The following NPR3 variants were observed in gnomAD, a reference collection of about 807,000 sequenced individuals.
NPR3 encodes the protein natriuretic peptide receptor 3.
NPR3 carries 34 observed loss-of-function variants against 54.5 expected under a neutral mutation model. That is an observed-to-expected ratio of 0.62 (90% confidence interval 0.47 to 0.83). The LOEUF (loss-of-function observed/expected upper bound fraction) is 0.83. Ranked by LOEUF, NPR3 falls within the 40% of genes least tolerant of loss-of-function variation. The probability of loss-of-function intolerance (pLI) is 0.00; values close to 1 mark genes in which losing one functional copy is unlikely to be tolerated. For missense variants in NPR3, 674 were observed against 720.8 expected, an observed-to-expected ratio of 0.94 and a Z score of 0.74; for synonymous variants, 289 against 297.1, an observed-to-expected ratio of 0.97 and a Z score of 0.28.
intron 3 of NPR3, among the ~76,000 whole-genome samples, chr5:32,766,811 A>G (rs1032440517): frequency 1.3e-5 from 2 of 152,196 alleles, no homozygotes; most frequent in African/African-American, 4.8e-5. Flanking sequence ...TAGGACGCTC[A>G]TCCTTCACGT....
intron 1 of NPR3, 46 bp downstream of exon 1, chr5:32,712,591 C>T: frequency 6.7e-7 from 1 of 1,482,828 alleles, no homozygotes; most frequent in Non-Finnish European, 8.9e-7. Flanking sequence ...CCCAACCGCT[C>T]TCCGCGGCTC....
intron 1 of NPR3, among the ~76,000 whole-genome samples, chr5:32,693,658 C>T (rs1164789443): frequency 1.3e-5 from 2 of 152,146 alleles, no homozygotes; most frequent in African/African-American, 4.8e-5. Flanking sequence ...TAACTTGGGC[C>T]ACATCACATC....
chr5:32,757,303 T>G (rs1220302209), intron 3 of NPR3, among the ~76,000 whole-genome samples: 1 of 152,254 alleles, frequency 6.6e-6, no homozygotes, highest in African/African-American at 2.4e-5. Flanking sequence ...GTAGTTTTCC[T>G]TGAAGAGGTC....
At chr5:32,727,191 A>G (rs1425250948) in intron 2 of NPR3, among the ~76,000 whole-genome samples, 3 of 152,110 alleles carry the variant, frequency 2.0e-5, no homozygotes, top group Admixed American at 6.6e-5. Flanking sequence ...CAGAGGCGTG[A>G]TCTTGGCTCA....
At chr5:32,745,095 C>G (rs1740227254) in intron 3 of NPR3, among the ~76,000 whole-genome samples, 4 of 152,164 alleles carry the variant, frequency 2.6e-5, no homozygotes, top group Admixed American at 2.6e-4. Flanking sequence ...TAGTATATTG[C>G]AGGCAGTACA....
intron 3 of NPR3, among the ~76,000 whole-genome samples, chr5:32,744,929 T>C (rs1740219399): frequency 6.6e-6 from 1 of 152,232 alleles, no homozygotes; most frequent in South Asian, 2.1e-4. Flanking sequence ...TCCCCTACTG[T>C]GTACATGGCA....
intron 3 of NPR3, among the ~76,000 whole-genome samples, chr5:32,769,512 C>A (rs745962003): frequency 1.3e-5 from 2 of 152,190 alleles, no homozygotes; most frequent in African/African-American, 2.4e-5. Flanking sequence ...TCTCATCTCC[C>A]CTTCAACCAA....
upstream of NPR3, among the ~76,000 whole-genome samples, chr5:32,707,603 C>T (rs1218382044): frequency 6.6e-6 from 1 of 152,102 alleles, no homozygotes; most frequent in Non-Finnish European, 1.5e-5. Flanking sequence ...GTGTTTTCAA[C>T]AATTCTGGCC....
At chr5:32,732,529 CTG>C (rs926493136) in intron 2 of NPR3, among the ~76,000 whole-genome samples, 1 of 152,170 alleles carries the variant, frequency 6.6e-6, no homozygotes, top group Non-Finnish European at 1.5e-5. Flanking sequence ...ATTTAGGAAT[CTG>C]TTACTGAGGA....
chr5:32,708,191 AAC>A (rs1425674819), upstream of NPR3, among the ~76,000 whole-genome samples: 1 of 152,026 alleles, frequency 6.6e-6, no homozygotes, highest in Non-Finnish European at 1.5e-5. Flanking sequence ...GGTTTCATTC[AAC>A]AACTGAAGCC....
upstream of NPR3, among the ~76,000 whole-genome samples, chr5:32,706,990 A>G (rs1038210145): frequency 2.0e-5 from 3 of 152,118 alleles, no homozygotes; most frequent in Admixed American, 2.0e-4. Context: ...CCCCATTCAC[A>G]CTCGTTTTTG....
At chr5:32,691,986 C>CT (rs1206172905) in intron 1 of NPR3, among the ~76,000 whole-genome samples, 8 of 152,234 alleles carry the variant, frequency 5.3e-5, no homozygotes, top group Admixed American at 1.3e-4. Flanking sequence ...AAGAAAGACT[C>CT]TTTTTCAGGA....
At chr5:32,755,105 C>T (rs575659131) in intron 3 of NPR3, among the ~76,000 whole-genome samples, 36 of 152,362 alleles carry the variant, frequency 2.4e-4, no homozygotes, top group African/African-American at 8.7e-4. Flanking sequence ...CGTGATCCGT[C>T]TGCCTCAGCC....
At chr5:32,711,266 T>C, upstream of NPR3, 1 of 952,952 alleles carries the variant, frequency 1.0e-6, no homozygotes. Flanking sequence ...CCATGTGTGG[T>C]AACACGCTCA....
intron 3 of NPR3, among the ~76,000 whole-genome samples, chr5:32,748,551 C>T (rs577876216): frequency 4.7e-4 from 72 of 152,226 alleles, no homozygotes; most frequent in African/African-American, 1.6e-3. Context: ...AGATGCTGCC[C>T]GAGGCAAAGG....
Position 32,791,700 on chromosome 5 carries a change from A to C in NPR3, c.*5355A>C, listed in dbSNP as rs1247681935. 2 of 165,926 alleles carry C rather than the reference A, an allele frequency of 1.2e-5. No homozygotes were observed. The highest frequency in any genetic ancestry group is 2.9e-5 in the Non-Finnish European group (2 of 68,076). 10.3% of individuals were successfully genotyped at this position (165,926 alleles called of 1,614,324 possible). Reference sequence around the variant, plus strand: ...CAGAGTATAACAATGTGTTCTCATTAAAAAATACATCCCACGGAAACCTCT... The same window carrying C: ...CAGAGTATAACAATGTGTTCTCATTCAAAAATACATCCCACGGAAACCTCT... On this transcript the variant is annotated 3_prime_UTR_variant, in exon 8 of 8. Transcript: ENST00000265074.
At position 32,738,928 on chromosome 5, in the gene NPR3, CCAGA is replaced by C; in HGVS notation, c.961_964del (p.Thr321SerfsTer4). On this transcript the variant is annotated frameshift_variant, in exon 3 of 8. Coordinates refer to ENST00000265074, the MANE Select transcript of NPR3 (RefSeq NM_001204375.2). LOFTEE classifies it high-confidence loss of function. The stretch of plus-strand genomic sequence containing the variant: ...AAGCTAAGCAAGCATACTCGTCCCT[CCAGA>C]CAGTCACTCTACTGAGGACAGTGAA... 2 of 1,613,904 alleles carry C rather than the reference CCAGA, an allele frequency of 1.2e-6. No individual in the cohort carries two copies. The highest frequency in any genetic ancestry group is 1.7e-6 in the Non-Finnish European group (2 of 1,179,798).
chr5:32,718,910 C>T (rs1579598934), intron 1 of NPR3, among the ~76,000 whole-genome samples: 2 of 152,294 alleles, frequency 1.3e-5, no homozygotes, highest in South Asian at 4.1e-4. Context: ...TGAGAGAGGG[C>T]ATCCTTGTCT....
chr5:32,710,859 G>GTTTTTTTTTTTTT (rs56022335), upstream of NPR3: 787 of 979,108 alleles, frequency 8.0e-4, 13 homozygotes, highest in African/African-American at 4.1e-3. Context: ...CCCAGTCCTG[G>GTTTTTTTTTTTTT]TTTTTTTTTT....
Sources: gnomAD v4.1 joint callset for allele counts (sites outside exome capture counted in the v4.1 genomes callset) on GRCh38, gnomAD v4.1.1 for gene constraint, MANE v1.5 for transcripts, NCBI Gene and HGNC (gene_info 2026-07-23, HGNC 2026-07-21) for gene names.